The following CTNNA2 variants were observed in gnomAD, a reference collection of about 807,000 sequenced individuals.
CTNNA2 encodes catenin alpha 2, also known as catenin alpha-2.
Under a neutral mutation model 101.0 loss-of-function variants are expected in CTNNA2, and 42 were observed. The observed-to-expected ratio is 0.42, with a 90% CI of 0.32 to 0.54. CTNNA2 has a LOEUF of 0.54. Ranked by LOEUF, CTNNA2 falls within the 20% of genes least tolerant of loss-of-function variation. The probability of loss-of-function intolerance (pLI) is 0.14; values close to 1 mark genes in which losing one functional copy is unlikely to be tolerated. For missense variants in CTNNA2, 871 were observed against 1,223.1 expected (o/e 0.71, Z 4.29); for synonymous variants, 450 against 456.4 (o/e 0.99, Z 0.18).
chr2:80,353,251 G>A (rs568834681), intron 7 of CTNNA2, among the ~76,000 whole-genome samples: 2 of 152,056 alleles, frequency 1.3e-5, no homozygotes, highest in African/African-American at 4.8e-5. Context: ...GTAGGGAAGG[G>A]GGTAATTTTC....
intron 7 of CTNNA2, among the ~76,000 whole-genome samples, chr2:80,387,830 T>C (rs979362910): frequency 6.6e-6 from 1 of 152,138 alleles, no homozygotes; most frequent in Admixed American, 6.6e-5. Context: ...TCTCAAAGAC[T>C]AAAACAAATA....
chr2:80,071,738 G>A lies in CTNNA2; in HGVS notation c.1056+161941G>A, dbSNP rs1002959018. ...AGTCTTTTCTAAAATGCTGTTCAAC[G>A]TTGTACAGAGTACTTGGTAACAGAT... is the stretch of plus-strand genomic sequence containing the variant. On this transcript the variant is annotated intron_variant, in intron 7 of 18. Transcript: ENST00000402739. Among the ~76,000 whole-genome samples the A allele has an allele frequency of 7.9e-4, 120 of 152,284 alleles. 1 individual carries two copies. Among genetic ancestry groups the A allele is most frequent in the African/African-American group, 2.4e-3 (100 of 41,566 alleles).
chr2:79,657,323 T>C (rs1681683165), intron 2 of CTNNA2, among the ~76,000 whole-genome samples: 1 of 151,822 alleles, frequency 6.6e-6, no homozygotes, highest in South Asian at 2.1e-4. Context: ...TCTGCAGTGA[T>C]GAAGCATGAA....
rs1558937542 is a variant in CTNNA2 at position 80,245,822 on chromosome 2, T to TTTTG, written c.1057-147388_1057-147387insTTGT. ...TTTTTTTTTTTTTTTTTTTTTTTTTTTGCACTCTGTAGCCCAGGCTGGAGT... is the reference window on the plus strand; with the variant it reads ...TTTTTTTTTTTTTTTTTTTTTTTTTTTTTGTGCACTCTGTAGCCCAGGCTGGAGT... On this transcript the variant is annotated intron_variant, in intron 7 of 18. Transcript: ENST00000402739. Among the ~76,000 whole-genome samples the TTTTG allele has an allele frequency of 5.6e-4, 76 of 135,462 alleles. 2 individuals carry two copies. The highest frequency in any genetic ancestry group is 2.1e-3 in the African/African-American group (72 of 34,632). 88.9% of individuals were successfully genotyped at this position (135,462 alleles called of 152,430 possible). A position where few individuals can be genotyped will look rare whatever the true frequency, so the allele number is the denominator to read the frequency against.
At chr2:79,247,300 A>G (rs944229273) in intron 2 of CTNNA2, among the ~76,000 whole-genome samples, 28 of 152,248 alleles carry the variant, frequency 1.8e-4, no homozygotes, top group African/African-American at 6.5e-4. Flanking sequence ...TTAGAATTAC[A>G]TAAGAGTTGT....
chr2:80,605,485 C>T (rs1697921312), intron 16 of CTNNA2: 1 of 151,894 alleles, frequency 6.6e-6, no homozygotes, highest in South Asian at 2.1e-4. Flanking sequence ...GAATTGCATC[C>T]TTCTCCATAT....
At chr2:80,507,919 T>C (rs1240942393) in intron 9 of CTNNA2, among the ~76,000 whole-genome samples, 1 of 152,148 alleles carries the variant, frequency 6.6e-6, no homozygotes, top group African/African-American at 2.4e-5. Context: ...TTGAGTCCTG[T>C]GTAGGGACGT....
At chr2:79,754,659 G>C (rs989327662) in intron 3 of CTNNA2, among the ~76,000 whole-genome samples, 2 of 152,068 alleles carry the variant, frequency 1.3e-5, no homozygotes, top group African/African-American at 4.8e-5. Context: ...AGTATCCCTG[G>C]CTTTATGCCT....
intron 7 of CTNNA2, among the ~76,000 whole-genome samples, chr2:80,066,323 A>G (rs1180145214): frequency 6.6e-6 from 1 of 152,196 alleles, no homozygotes; most frequent in Admixed American, 6.5e-5. Flanking sequence ...TTAACCTCTT[A>G]CATTTGACAA....
At chr2:79,428,545 G>C (rs972861168) in intron 4 of CTNNA2, among the ~76,000 whole-genome samples, 2 of 152,016 alleles carry the variant, frequency 1.3e-5, no homozygotes, top group African/African-American at 4.8e-5. Flanking sequence ...AAATGAAGGT[G>C]GAGGTGGTAG....
intron 7 of CTNNA2, among the ~76,000 whole-genome samples, chr2:80,148,951 T>C (rs1262829470): frequency 6.6e-6 from 1 of 151,930 alleles, no homozygotes; most frequent in African/African-American, 2.4e-5. Context: ...TTAGCACTGC[T>C]GACCAAACTG....
At chr2:80,364,366 T>G (rs1254604773) in intron 7 of CTNNA2, among the ~76,000 whole-genome samples, 1 of 152,138 alleles carries the variant, frequency 6.6e-6, no homozygotes, top group Non-Finnish European at 1.5e-5. Flanking sequence ...AACAAGATGT[T>G]CTTTTCTCTT....
chr2:80,504,643 C>T (rs1361271064), intron 9 of CTNNA2, among the ~76,000 whole-genome samples: 1 of 152,066 alleles, frequency 6.6e-6, no homozygotes, highest in Non-Finnish European at 1.5e-5. Context: ...ACCTGAAGGG[C>T]CTTGGGTGGG....
chr2:79,734,923 A>G (rs1397173072), intron 2 of CTNNA2, among the ~76,000 whole-genome samples: 1 of 152,164 alleles, frequency 6.6e-6, no homozygotes, highest in African/African-American at 2.4e-5. Context: ...AGAATACACA[A>G]TGAGCATCCT....
intron 8 of CTNNA2, among the ~76,000 whole-genome samples, chr2:80,394,829 G>T (rs906188291): frequency 1.8e-4 from 28 of 151,942 alleles, no homozygotes; most frequent in African/African-American, 6.8e-4. Flanking sequence ...CTATGTCAGA[G>T]GTCCCAATGA....
rs534090566 is a variant in CTNNA2 at position 80,185,238 on chromosome 2, T to C, written c.1057-207973T>C. Among the ~76,000 whole-genome samples the C allele has an allele frequency of 9.2e-5, 14 of 152,274 alleles. No individual in the cohort carries two copies. In the East Asian group the frequency reaches 2.7e-3, roughly 29 times the overall value. ...GCTGTTGGCCAGAAGTCACCCTCAG[T>C]TCCTTGCCAAATGGGCTGCTCTGTA... On this transcript the variant is annotated intron_variant, in intron 7 of 18. Transcript: ENST00000402739.
chr2:79,461,082 T>A (rs1298325648), intron 4 of CTNNA2, among the ~76,000 whole-genome samples: 1 of 152,130 alleles, frequency 6.6e-6, no homozygotes, highest in Non-Finnish European at 1.5e-5. Context: ...CCTCAAGTGA[T>A]CCCCCCGCCT....
intron 4 of CTNNA2, among the ~76,000 whole-genome samples, chr2:79,455,167 G>A (rs1341028106): frequency 1.3e-5 from 2 of 152,296 alleles, no homozygotes; most frequent in South Asian, 2.1e-4. Context: ...GCATAATTAA[G>A]TATTCTTGAA....
intron 7 of CTNNA2, among the ~76,000 whole-genome samples, chr2:79,921,933 G>A (rs557483296): frequency 6.6e-6 from 1 of 152,250 alleles, no homozygotes; most frequent in Non-Finnish European, 1.5e-5. Context: ...ACATATTCCA[G>A]GTTCCTGCCT....
Sources: allele counts gnomAD v4.1 joint callset (sites outside exome capture counted in the v4.1 genomes callset), GRCh38; gene constraint gnomAD v4.1.1; transcripts MANE v1.5; gene names NCBI Gene and HGNC (gene_info 2026-07-23, HGNC 2026-07-21).